The following FOXP2 variants were observed in gnomAD, a reference collection of about 807,000 sequenced individuals.
The protein encoded by FOXP2 is forkhead box protein P2.
FOXP2 carries 12 observed loss-of-function variants against 115.8 expected under a neutral mutation model. The ratio of observed to expected loss-of-function variants is 0.10; its 90% CI spans 0.07 to 0.17. The LOEUF is 0.17. Ranked by LOEUF, FOXP2 falls within the 10% of genes least tolerant of loss-of-function variation. The pLI is 1.00. For synonymous variants in FOXP2, 328 were observed against 297.7 expected, an observed-to-expected ratio of 1.10 and a Z score of -1.05; for missense variants, 629 against 843.5, an observed-to-expected ratio of 0.75 and a Z score of 3.15.
At chr7:114,592,740 T>G (rs906670959) in intron 3 of FOXP2, among the ~76,000 whole-genome samples, 2 of 152,044 alleles carry the variant, frequency 1.3e-5, no homozygotes, top group Non-Finnish European at 2.9e-5. Context: ...AAGTAATATA[T>G]CTAAGAAGAT....
At chr7:114,259,651 G>A (rs1233103374) in intron 1 of FOXP2, among the ~76,000 whole-genome samples, 1 of 152,128 alleles carries the variant, frequency 6.6e-6, no homozygotes, top group African/African-American at 2.4e-5. Context: ...GGGAACATTC[G>A]AGCAGAAGCA....
At chr7:114,254,730 G>A (rs1795557423) in intron 1 of FOXP2, among the ~76,000 whole-genome samples, 1 of 152,220 alleles carries the variant, frequency 6.6e-6, no homozygotes, top group East Asian at 1.9e-4. Context: ...TCTTTGTGAT[G>A]CATTCGAATT....
At chr7:114,106,093 G>A (rs1791105176) in intron 1 of FOXP2, among the ~76,000 whole-genome samples, 1 of 152,094 alleles carries the variant, frequency 6.6e-6, no homozygotes, top group Admixed American at 6.6e-5. Context: ...TTCATGGAAG[G>A]AGGCTTTGGC....
chr7:114,198,057 G>T (rs909911118), intron 1 of FOXP2, among the ~76,000 whole-genome samples: 12 of 152,060 alleles, frequency 7.9e-5, no homozygotes, highest in Non-Finnish European at 1.5e-4. Flanking sequence ...TAGAGACGGG[G>T]TTCTCCATGT....
chr7:114,216,219 T>C (rs1283473434), intron 1 of FOXP2, among the ~76,000 whole-genome samples: 1 of 152,194 alleles, frequency 6.6e-6, no homozygotes, highest in Non-Finnish European at 1.5e-5. Flanking sequence ...AAAAGTCGCC[T>C]CATGAACATG....
At chr7:114,466,060 G>C (rs1232642103) in intron 2 of FOXP2, among the ~76,000 whole-genome samples, 1 of 152,128 alleles carries the variant, frequency 6.6e-6, no homozygotes, top group Non-Finnish European at 1.5e-5. Flanking sequence ...AATTTCTAGA[G>C]TAAACCATTG....
At chr7:114,426,445 A>T (rs1003518161) in intron 1 of FOXP2, 57 bp from the exon 2 acceptor site, 1 of 1,528,042 alleles carries the variant, frequency 6.5e-7, no homozygotes, top group African/African-American at 1.4e-5. Flanking sequence ...GGACATCTTG[A>T]TAATGGAAGT....
intron 2 of FOXP2, among the ~76,000 whole-genome samples, chr7:114,437,085 T>A (rs1794386401): frequency 6.6e-6 from 1 of 152,184 alleles, no homozygotes; most frequent in Non-Finnish European, 1.5e-5. Flanking sequence ...ATGATCAGCC[T>A]TCAATTTATT....
At chr7:114,362,161 A>G (rs2129187740) in intron 2 of FOXP2, among the ~76,000 whole-genome samples, 1 of 152,218 alleles carries the variant, frequency 6.6e-6, no homozygotes, top group Admixed American at 6.5e-5. Flanking sequence ...AGGTTAATAA[A>G]AAATTGAGAT....
chr7:114,608,360 A>G (rs970054462), intron 3 of FOXP2, among the ~76,000 whole-genome samples: 1 of 152,048 alleles, frequency 6.6e-6, no homozygotes, highest in Non-Finnish European at 1.5e-5. Flanking sequence ...TTTTTTTTAT[A>G]GCTAATATGA....
chr7:114,557,959 C>T (rs1800549929), intron 3 of FOXP2, among the ~76,000 whole-genome samples: 1 of 151,992 alleles, frequency 6.6e-6, no homozygotes, highest in Non-Finnish European at 1.5e-5. Flanking sequence ...CAGGTGCCCA[C>T]CACCACACCT....
At chr7:114,516,120 G>T (rs892832577) in intron 2 of FOXP2, among the ~76,000 whole-genome samples, 2 of 152,124 alleles carry the variant, frequency 1.3e-5, no homozygotes, top group Admixed American at 1.3e-4. Flanking sequence ...TAAGCCAAAA[G>T]AACAAAGCTG....
intron 2 of FOXP2, among the ~76,000 whole-genome samples, chr7:114,449,542 G>C (rs768342927): frequency 4.6e-5 from 7 of 151,982 alleles, no homozygotes; most frequent in South Asian, 2.1e-4. Flanking sequence ...GTATGTATCT[G>C]ACAGATGGAT....
intron 2 of FOXP2, among the ~76,000 whole-genome samples, chr7:114,379,425 TCAAC>T (rs1297507837): frequency 2.0e-5 from 3 of 152,056 alleles, no homozygotes; most frequent in Non-Finnish European, 4.4e-5. Flanking sequence ...GTACCCCCTC[TCAAC>T]AGGAAAACCC....
intron 2 of FOXP2, among the ~76,000 whole-genome samples, chr7:114,476,067 G>A (rs1301380043): frequency 6.8e-6 from 1 of 147,402 alleles, no homozygotes; most frequent in African/African-American, 2.5e-5. Context: ...ATAGGTGTCT[G>A]TTTGCTCTGT....
intron 1 of FOXP2, among the ~76,000 whole-genome samples, chr7:114,231,339 C>CA (rs1475238261): frequency 5.3e-5 from 8 of 152,080 alleles, no homozygotes; most frequent in Non-Finnish European, 1.2e-4. Context: ...ATTAAAATCC[C>CA]AATGCATTTG....
At chr7:114,220,782 C>T (rs1794600927) in intron 1 of FOXP2, among the ~76,000 whole-genome samples, 1 of 152,086 alleles carries the variant, frequency 6.6e-6, no homozygotes, top group Non-Finnish European at 1.5e-5. Flanking sequence ...TGAGACAGTC[C>T]TAAGGTTAGT....
intron 2 of FOXP2, among the ~76,000 whole-genome samples, chr7:114,379,752 A>G (rs376485202): frequency 1.3e-5 from 2 of 152,178 alleles, no homozygotes; most frequent in African/African-American, 4.8e-5. Flanking sequence ...TCTTTGGCAC[A>G]CCTCACAGGC....
chr7:114,504,246 A>G (rs1197773516), intron 2 of FOXP2, among the ~76,000 whole-genome samples: 1 of 151,612 alleles, frequency 6.6e-6, no homozygotes, highest in African/African-American at 2.4e-5. Context: ...TATATTGATA[A>G]TTTTAAGCAG....
Sources: allele counts gnomAD v4.1 joint callset (sites outside exome capture counted in the v4.1 genomes callset), GRCh38; gene constraint gnomAD v4.1.1; transcripts MANE v1.5; gene names NCBI Gene and HGNC (gene_info 2026-07-23, HGNC 2026-07-21).